Variants in FAT4 observed in about 807,000 individuals in gnomAD.
FAT4 encodes protocadherin Fat 4.
FAT4 carries 84 observed loss-of-function variants against 303.9 expected under a neutral mutation model. The ratio of observed to expected loss-of-function variants is 0.28; its 90% CI spans 0.23 to 0.33. The LOEUF is 0.33. FAT4 is among the 10% of genes least tolerant of loss of function. The pLI, the probability that FAT4 is intolerant of heterozygous loss-of-function variation, is 1.00. For synonymous variants in FAT4, 2,307 were observed against 2,298.8 expected, an observed-to-expected ratio of 1.00 and a Z score of -0.10; for missense variants, 6,005 against 6,146.8, an observed-to-expected ratio of 0.98 and a Z score of 0.77.
At position 125,450,599 on chromosome 4, in the gene FAT4, C is replaced by G. The variant is rs763504235; in HGVS notation, c.9589C>G (p.Leu3197Val). ...IDVNDNSPVF[L>V]SDDYFPTVLE... ...TGTGAATGATAATTCTCCAGTATTC[C>G]TCTCTGATGACTATTTCCCTACTGT... The change falls in exon 10 of 18, where the codon CTC (leucine) becomes GTC (valine). Residue 3197 changes from leucine to valine, a missense_variant. Leu to Val is a conservative substitution (Grantham distance 32, BLOSUM62 1). Transcript: ENST00000394329. 5 of 1,614,098 alleles carry G rather than the reference C, an allele frequency of 3.1e-6. No individual in the cohort carries two copies. Among genetic ancestry groups the G allele is most frequent in the Non-Finnish European group, 4.2e-6 (5 of 1,180,006 alleles).
chr4:125,372,414 C>T (rs150848042), intron 2 of FAT4, among the ~76,000 whole-genome samples: 33 of 148,060 alleles, frequency 2.2e-4, no homozygotes, highest in African/African-American at 7.9e-4. Flanking sequence ...ATAGTAATGA[C>T]ACTAATAACA....
intron 2 of FAT4, among the ~76,000 whole-genome samples, chr4:125,324,675 T>C (rs1731084877): frequency 1.3e-5 from 2 of 152,144 alleles, no homozygotes; most frequent in East Asian, 1.9e-4. Flanking sequence ...GAAGCAATCT[T>C]ATACATTCAG....
Position 125,434,317 on chromosome 4 carries a change from T to A in FAT4, c.7091T>A (p.Phe2364Tyr), listed in dbSNP as rs1025783932. 2 of 1,613,966 alleles carry A rather than the reference T, an allele frequency of 1.2e-6. No individual in the cohort carries two copies. The highest frequency in any genetic ancestry group is 2.7e-5 in the African/African-American group (2 of 74,932). The change falls in exon 8 of 18, where the codon TTT becomes TAT. Residue 2364 changes from phenylalanine (F) to tyrosine (Y), a missense_variant. Phe to Tyr is a conservative substitution (Grantham distance 22). Transcript: ENST00000394329. ...VDDVNDNVPTFASKAYFTTIP... is the reference protein window; with the variant it reads ...VDDVNDNVPTYASKAYFTTIP... ...GATGTCAATGACAATGTCCCCACAT[T>A]TGCCAGTAAAGCGTATTTCACAACA...
In FAT4 at chr4:125,476,210, G is replaced by A. The variant is rs778648286; in HGVS notation, c.12253G>A (p.Glu4085Lys). 6.2e-7 allele frequency: 1 copy of A among 1,603,872 alleles called. No homozygotes were observed. The highest frequency in any genetic ancestry group is 8.5e-7 in the Non-Finnish European group (1 of 1,173,194). Residue 4085 changes from glutamate to lysine, a missense_variant, in exon 13 of 18, where the codon GAG becomes AAG. Transcript: ENST00000394329. ...LTVDSCSENQ[E>K]PGYCTVSNVA... ...TGTGGACTCCTGTTCTGAGAACCAAGAGCCAGGATATTGTACTGTCAGTAA... is the reference window on the plus strand; with the variant it reads ...TGTGGACTCCTGTTCTGAGAACCAAAAGCCAGGATATTGTACTGTCAGTAA...
rs548215881 is a variant in FAT4, at chr4:125,475,791, T to C, written c.12214-380T>C. 1.3e-4 allele frequency among the ~76,000 whole-genome samples: 20 copies of C among 152,234 alleles called. No individual in the cohort carries two copies. In the South Asian group the frequency reaches 4.1e-3, roughly 32 times the overall value. ...AAAAATTAAGTGTCTTTTGTTAACA[T>C]AGCTTGACAGTACAATAAACACGTT... On this transcript the variant is annotated intron_variant, in intron 12 of 17. Coordinates refer to ENST00000394329, the MANE Select transcript of FAT4 (RefSeq NM_001291303.3).
intron 2 of FAT4, among the ~76,000 whole-genome samples, chr4:125,375,349 G>A (rs1733271250): frequency 6.6e-6 from 1 of 152,104 alleles, no homozygotes; most frequent in Non-Finnish European, 1.5e-5. Flanking sequence ...TATATGTTTG[G>A]CTGAGGCAGT....
chr4:125,370,992 A>C (rs551808507), intron 2 of FAT4, among the ~76,000 whole-genome samples: 1 of 151,718 alleles, frequency 6.6e-6, no homozygotes, highest in Non-Finnish European at 1.5e-5. Flanking sequence ...CTAAAACTAC[A>C]AAAAAATTAG....
rs1553926483 is a variant in FAT4 at position 125,446,427 on chromosome 4, C to T, written c.7334C>T (p.Pro2445Leu). 2 of 1,613,492 alleles carry T rather than the reference C, an allele frequency of 1.2e-6. No homozygotes were observed. The highest frequency in any genetic ancestry group is 1.6e-4 in the Middle Eastern group (1 of 6,062). ...LVVVCSDAGSPEPLSSSTSVL... is the reference protein window; with the variant it reads ...LVVVCSDAGSLEPLSSSTSVL... ...GTGGTCTGCAGTGATGCGGGATCCC[C>T]AGAGCCTCTTTCCAGTTCCACCAGT... Residue 2445 changes from proline to leucine, a missense_variant, in exon 9 of 18, where the codon CCA becomes CTA. Transcript: ENST00000394329.
intron 2 of FAT4, among the ~76,000 whole-genome samples, chr4:125,365,175 A>G (rs758105431): frequency 6.6e-6 from 1 of 152,234 alleles, no homozygotes; most frequent in Admixed American, 6.5e-5. Context: ...ATGAGGAGTC[A>G]TAACAAGAAG....
At position 125,433,716 on chromosome 4, in the gene FAT4, G is replaced by T. The variant is rs373302955; in HGVS notation, c.7019-529G>T. Among the ~76,000 whole-genome samples the T allele has an allele frequency of 2.8e-4, 43 of 152,292 alleles. 1 individual carries two copies. The highest frequency in any genetic ancestry group is 9.9e-4 in the African/African-American group (41 of 41,560). ...AGCACGTAGAAGATAACACTTTTGA[G>T]ATATAACTTGAAGCTATTTTTTGTT... On this transcript the variant is annotated intron_variant, in intron 7 of 17. Coordinates refer to ENST00000394329, the MANE Select transcript of FAT4 (RefSeq NM_001291303.3).
chr4:125,429,538 T>C (rs1725211916), intron 7 of FAT4, among the ~76,000 whole-genome samples: 1 of 152,172 alleles, frequency 6.6e-6, no homozygotes, highest in African/African-American at 2.4e-5. Flanking sequence ...TCTGGCTAAA[T>C]GGAAATTGGT....
Position 125,449,209 on chromosome 4 carries a change from G to T in FAT4, c.8199G>T (p.Leu2733Phe). 1.2e-6 allele frequency: 2 copies of T among 1,613,744 alleles called. No homozygotes were observed. The highest frequency in any genetic ancestry group is 1.7e-6 in the Non-Finnish European group (2 of 1,179,848). Residue 2733 changes from leucine (L) to phenylalanine (F), a missense_variant, in exon 10 of 18, where the codon TTG becomes TTT. Coordinates refer to ENST00000394329, the MANE Select transcript of FAT4 (RefSeq NM_001291303.3). ...ATGEIRSVRP[L>F]DREKVSHYVL... ...GTGAAATTAGAAGCGTTAGACCTTT[G>T]GACAGGGAAAAAGTATCTCATTATG...
At chr4:125,455,423 C>A (rs1726244168) in intron 10 of FAT4, among the ~76,000 whole-genome samples, 1 of 152,160 alleles carries the variant, frequency 6.6e-6, no homozygotes, top group Admixed American at 6.5e-5. Flanking sequence ...TTCCTTACAT[C>A]ATAAAATATT....
At chr4:125,448,192 C>T (rs2126056342) in intron 9 of FAT4, among the ~76,000 whole-genome samples, 1 of 152,144 alleles carries the variant, frequency 6.6e-6, no homozygotes, top group East Asian at 1.9e-4. Flanking sequence ...TTTCCCTAGG[C>T]TTCTCTCAAA....
rs535486587 is a variant in FAT4, at chr4:125,421,599, A to AAAC, written c.7018+4980_7018+4982dup. 3.3e-4 allele frequency among the ~76,000 whole-genome samples: 51 copies of AAAC among 152,348 alleles called. No homozygotes were observed. The East Asian group carries it at 8.9e-3, about 27-fold the overall frequency. On this transcript the variant is annotated intron_variant, in intron 7 of 17. Coordinates refer to ENST00000394329, the MANE Select transcript of FAT4 (RefSeq NM_001291303.3). Reference sequence around the variant, plus strand: ...TGAATTAATGTGCGAGAAAGCAGTAAAACAAACTGGTATGACACTTTGGGG... The same window carrying AAAC: ...TGAATTAATGTGCGAGAAAGCAGTAAAACAACAAACTGGTATGACACTTTGGGG...
In FAT4 at chr4:125,320,366, A is replaced by G; in HGVS notation, c.3955A>G (p.Thr1319Ala). Residue 1319 changes from threonine (T) to alanine (A), a missense_variant, in exon 2 of 18, where the codon ACA (threonine) becomes GCA (alanine). By Grantham distance (58) the Thr-to-Ala change is moderately conservative (BLOSUM62 0). Transcript: ENST00000394329. ...NDNTPSFPKS[T>A]LFVDVLENMR... is the part of the protein sequence containing the mutation. ...CAATACCCCTTCTTTCCCTAAATCAACACTCTTTGTTGATGTTTTGGAAAA... is the reference window on the plus strand; with the variant it reads ...CAATACCCCTTCTTTCCCTAAATCAGCACTCTTTGTTGATGTTTTGGAAAA... 2 of 1,614,042 alleles carry G rather than the reference A, an allele frequency of 1.2e-6. No individual in the cohort carries two copies. The highest frequency in any genetic ancestry group is 1.7e-6 in the Non-Finnish European group (2 of 1,179,946).
chr4:125,438,859 T>C (rs752519052), intron 8 of FAT4, among the ~76,000 whole-genome samples: 2 of 152,150 alleles, frequency 1.3e-5, no homozygotes, highest in East Asian at 3.9e-4. Context: ...ATTGGTTTAA[T>C]TATTTATCTC....
chr4:125,448,524 A>T lies in FAT4; in HGVS notation c.7514A>T (p.Tyr2505Phe). The change falls in exon 10 of 18, where the codon TAT becomes TTT. Residue 2505 changes from tyrosine (Y) to phenylalanine (F), a missense_variant. Transcript: ENST00000394329. ...ATTGGACCAAATTCTGAACTGCATT[A>T]TTCTCTTTCGGGTAGAAATTCTGAA... is the stretch of plus-strand genomic sequence containing the variant. The part of the protein sequence containing the change: ...ADIGPNSELH[Y>F]SLSGRNSEKF... 6.2e-6 allele frequency: 10 copies of T among 1,613,892 alleles called. No homozygotes were observed. The highest frequency in any genetic ancestry group is 8.5e-6 in the Non-Finnish European group (10 of 1,179,858).
At chr4:125,446,048 TC>T in intron 8 of FAT4, 1 of 342,314 alleles carries the variant, frequency 2.9e-6, no homozygotes, top group Non-Finnish European at 5.4e-6. Context: ...AACTTAAGAG[TC>T]CTAAAAACCT....
Sources: allele counts gnomAD v4.1 joint callset (sites outside exome capture counted in the v4.1 genomes callset), GRCh38; gene constraint gnomAD v4.1.1; transcripts MANE v1.5; gene names NCBI Gene and HGNC (gene_info 2026-07-23, HGNC 2026-07-21).